RFFL: variants seen among roughly 807,000 people sequenced by gnomAD.
The protein encoded by RFFL is E3 ubiquitin-protein ligase rififylin.
Under a neutral mutation model 40.4 loss-of-function variants are expected in RFFL, and 16 were observed. The ratio of observed to expected loss-of-function variants is 0.40; its 90% CI spans 0.27 to 0.60. RFFL has a LOEUF of 0.60. Ranked by LOEUF, RFFL falls within the 20% of genes least tolerant of loss-of-function variation. The pLI, the probability that RFFL is intolerant of heterozygous loss-of-function variation, is 0.47. For synonymous variants in RFFL, 154 were observed against 167.9 expected, an observed-to-expected ratio of 0.92 and a Z score of 0.64; for missense variants, 367 against 451.7, an observed-to-expected ratio of 0.81 and a Z score of 1.70.
intron 2 of RFFL, among the ~76,000 whole-genome samples, chr17:35,024,218 T>G (rs1444598934): frequency 6.6e-6 from 1 of 152,076 alleles, no homozygotes; most frequent in African/African-American, 2.4e-5. Flanking sequence ...TGCCCTTCCC[T>G]TGCTCCTACT....
At chr17:35,084,372 T>A (rs1333132361) in intron 1 of RFFL, among the ~76,000 whole-genome samples, 3 of 152,180 alleles carry the variant, frequency 2.0e-5, no homozygotes, top group East Asian at 3.8e-4. Context: ...GGCGGGCAGA[T>A]CACCTGAGGT....
At chr17:35,031,555 T>C (rs993963990) in intron 1 of RFFL, among the ~76,000 whole-genome samples, 3 of 152,048 alleles carry the variant, frequency 2.0e-5, no homozygotes, top group African/African-American at 7.3e-5. Flanking sequence ...ACTAGAAATG[T>C]AAACCAAATA....
chr17:35,061,267 G>A (rs1483697769), intron 1 of RFFL, among the ~76,000 whole-genome samples: 1 of 152,312 alleles, frequency 6.6e-6, no homozygotes, highest in African/African-American at 2.4e-5. Flanking sequence ...AAGACTTATG[G>A]AGGAGTGGCC....
chr17:35,023,882 C>T (rs972150892), intron 2 of RFFL, among the ~76,000 whole-genome samples: 1 of 152,136 alleles, frequency 6.6e-6, no homozygotes, highest in Non-Finnish European at 1.5e-5. Context: ...CTGAAACACA[C>T]CCTACAGGAA....
intron 1 of RFFL, among the ~76,000 whole-genome samples, chr17:35,073,308 T>C (rs987404165): frequency 3.3e-5 from 5 of 151,962 alleles, no homozygotes; most frequent in Admixed American, 6.6e-5. Flanking sequence ...CAGAAGTAAC[T>C]AGTCCAGAAT....
At chr17:35,027,803 C>T (rs1214111310) in intron 1 of RFFL, among the ~76,000 whole-genome samples, 5 of 147,912 alleles carry the variant, frequency 3.4e-5, no homozygotes, top group African/African-American at 1.0e-4. Context: ...GAGGCCAAGG[C>T]GGGTGGATCA....
intron 1 of RFFL, among the ~76,000 whole-genome samples, chr17:35,046,955 A>G (rs1216821439): frequency 6.6e-6 from 1 of 152,252 alleles, no homozygotes; most frequent in Admixed American, 6.5e-5. Flanking sequence ...AATTCAGAGT[A>G]AAGTCTTCTA....
chr17:35,030,987 A>T (rs1450338624), intron 1 of RFFL, among the ~76,000 whole-genome samples: 1 of 152,064 alleles, frequency 6.6e-6, no homozygotes, highest in Non-Finnish European at 1.5e-5. Flanking sequence ...AATGCTTTTA[A>T]CTACAATTTT....
Position 35,006,425 on chromosome 17 carries a change from A to C in RFFL, c.*5543T>G, listed in dbSNP as rs1444176866. 3 of 152,388 alleles carry C rather than the reference A, an allele frequency of 2.0e-5. No individual in the cohort carries two copies. The highest frequency in any genetic ancestry group is 6.5e-5 in the Admixed American group (1 of 15,286). The allele number at this position is 152,388 out of a possible 1,614,324, so 9.4% of individuals were successfully genotyped here. On this transcript the variant is annotated 3_prime_UTR_variant, in exon 7 of 7. Coordinates refer to ENST00000394597, the MANE Select transcript of RFFL (RefSeq NM_001017368.2). ...GCTCTAACCTTAGGCAAGTTACGTT[A>C]ACATCTAAGCCTCAATCCCTCCAAG... is the stretch of plus-strand genomic sequence containing the variant.
intron 1 of RFFL, among the ~76,000 whole-genome samples, chr17:35,085,781 CTT>C (rs1488677650): frequency 2.0e-5 from 3 of 152,202 alleles, no homozygotes; most frequent in Admixed American, 6.5e-5. Context: ...ATGCAGGACT[CTT>C]TTAACCAACT....
intron 1 of RFFL, among the ~76,000 whole-genome samples, chr17:35,072,378 A>T (rs1370579341): frequency 2.0e-5 from 3 of 152,172 alleles, no homozygotes; most frequent in African/African-American, 7.2e-5. Flanking sequence ...ACATACTGTT[A>T]TGATTCCATT....
rs979808523 is a variant in RFFL, at chr17:35,014,639, C to T, written c.910+101G>A. 30 of 1,142,984 alleles carry T rather than the reference C, an allele frequency of 2.6e-5. No homozygotes were observed. In the African/African-American group the frequency reaches 4.4e-4, roughly 17 times the overall value. The allele number at this position is 1,142,984 out of a possible 1,614,324, so 70.8% of individuals were successfully genotyped here. A position where few individuals can be genotyped will look rare whatever the true frequency, so the allele number is the denominator to read the frequency against. On this transcript the variant is annotated intron_variant, in intron 6 of 6. Coordinates refer to ENST00000394597, the MANE Select transcript of RFFL (RefSeq NM_001017368.2). ...TTCCCACACACCCTCTCTCTGGGGG[C>T]TCAAATGCTCAGAATTCTTAGATTA...
rs116652668 is a variant in RFFL, at chr17:35,026,687, A to G, written c.-8-126T>C. 2,084 of 708,590 alleles carry G rather than the reference A, an allele frequency of 2.9e-3. 33 individuals carry two copies. The African/African-American group carries it at 0.035, about 12-fold the overall frequency. 43.9% of individuals were successfully genotyped at this position (708,590 alleles called of 1,614,324 possible). ...GCATGCCACCAAGGTGGAGGGGAGG[A>G]TGTGTTTTCAAACAGATTTTGTTTT... On this transcript the variant is annotated intron_variant, in intron 1 of 6. Coordinates refer to ENST00000394597, the MANE Select transcript of RFFL (RefSeq NM_001017368.2).
intron 1 of RFFL, among the ~76,000 whole-genome samples, chr17:35,041,954 G>A (rs2091168963): frequency 6.6e-6 from 1 of 152,166 alleles, no homozygotes; most frequent in Non-Finnish European, 1.5e-5. Flanking sequence ...GGCAGAGGTT[G>A]CAGTGAGCCA....
intron 1 of RFFL, among the ~76,000 whole-genome samples, chr17:35,037,655 A>G (rs74637607): frequency 0.031 from 4,712 of 152,304 alleles, 226 homozygotes; most frequent in African/African-American, 0.11. Flanking sequence ...AAAAAGGTTC[A>G]GAGAAGTTAA....
intron 1 of RFFL, among the ~76,000 whole-genome samples, chr17:35,082,695 G>C (rs898219578): frequency 6.6e-6 from 1 of 152,246 alleles, no homozygotes; most frequent in African/African-American, 2.4e-5. Context: ...GGAAGTGGGA[G>C]AAGGGACGTT....
intron 1 of RFFL, among the ~76,000 whole-genome samples, chr17:35,082,278 G>A (rs2142387635): frequency 6.6e-6 from 1 of 152,296 alleles, no homozygotes. Flanking sequence ...AGAGGGAAAA[G>A]GAGGAGACAG....
chr17:35,062,475 C>G (rs1021542051), intron 1 of RFFL, among the ~76,000 whole-genome samples: 11 of 152,136 alleles, frequency 7.2e-5, no homozygotes, highest in Non-Finnish European at 1.6e-4. Flanking sequence ...TCATTCTACC[C>G]TTACTGAGAA....
chr17:35,064,114 A>G (rs930068480), upstream of RFFL, among the ~76,000 whole-genome samples: 3 of 152,190 alleles, frequency 2.0e-5, no homozygotes, highest in South Asian at 2.1e-4. Flanking sequence ...AAATTAGAAC[A>G]TCTGGGTCAG....
Sources: gnomAD v4.1 joint callset for allele counts (sites outside exome capture counted in the v4.1 genomes callset) on GRCh38, gnomAD v4.1.1 for gene constraint, MANE v1.5 for transcripts, NCBI Gene and HGNC (gene_info 2026-07-23, HGNC 2026-07-21) for gene names.